BRINP3: variants seen among roughly 807,000 people sequenced by gnomAD.
The protein encoded by BRINP3 is BMP/retinoic acid inducible neural specific 3.
A neutral mutation model predicts 71.0 loss-of-function variants in BRINP3; 19 were observed. That is an observed-to-expected ratio of 0.27 (90% CI 0.19 to 0.39). The LOEUF (loss-of-function observed/expected upper bound fraction) is 0.39. Ranked by LOEUF, BRINP3 falls within the 10% of genes least tolerant of loss-of-function variation. The pLI is 1.00. For synonymous variants in BRINP3, 380 were observed against 337.7 expected (o/e 1.13, Z -1.37); for missense variants, 959 against 940.8 (o/e 1.02, Z -0.25).
At chr1:190,396,287 TTTAAA>T (rs1671562287) in intron 2 of BRINP3, among the ~76,000 whole-genome samples, 1 of 151,922 alleles carries the variant, frequency 6.6e-6, no homozygotes, top group African/African-American at 2.4e-5. Flanking sequence ...TTTAGTTCCG[TTTAAA>T]TTAAACTCTA....
At chr1:190,285,818 G>A (rs1254226414) in intron 2 of BRINP3, among the ~76,000 whole-genome samples, 2 of 151,776 alleles carry the variant, frequency 1.3e-5, no homozygotes, top group Admixed American at 6.6e-5. Context: ...GCAATGGAGC[G>A]CTGAATTAAA....
chr1:190,264,184 T>C (rs1188472414), intron 4 of BRINP3, among the ~76,000 whole-genome samples: 1 of 151,106 alleles, frequency 6.6e-6, no homozygotes, highest in Non-Finnish European at 1.5e-5. Flanking sequence ...TCTCTGTCTC[T>C]CAATCTCTTT....
rs568145191 is a variant in BRINP3 at position 190,472,031 on chromosome 1, T to A, written c.-51+5417A>T. 6.5e-4 allele frequency among the ~76,000 whole-genome samples: 99 copies of A among 151,692 alleles called. 1 individual carries two copies. In the South Asian group the frequency reaches 0.016, roughly 24 times the overall value. ...CATTAAAAAAAAGTTGAGTCAACAT[T>A]GTTTATTGTGTGGAGATACAAGTTT... On this transcript the variant is annotated intron_variant, in intron 1 of 7. Coordinates refer to ENST00000367462, the MANE Select transcript of BRINP3 (RefSeq NM_199051.3).
At chr1:190,337,377 T>C (rs1667359310) in intron 2 of BRINP3, among the ~76,000 whole-genome samples, 1 of 152,134 alleles carries the variant, frequency 6.6e-6, no homozygotes. Flanking sequence ...TGTGAGGGTG[T>C]CGCCAAAGGG....
At chr1:190,335,551 G>A (rs2103093331) in intron 2 of BRINP3, among the ~76,000 whole-genome samples, 1 of 151,826 alleles carries the variant, frequency 6.6e-6, no homozygotes, top group East Asian at 1.9e-4. Context: ...TTTAGTATCA[G>A]GTGGTATAAA....
chr1:190,454,020 A>G (rs1675824655), intron 2 of BRINP3, among the ~76,000 whole-genome samples: 2 of 152,256 alleles, frequency 1.3e-5, no homozygotes, highest in East Asian at 3.8e-4. Flanking sequence ...TCAGGTGAAC[A>G]GGCAACCTTT....
chr1:190,183,197 T>C (rs534096555), intron 6 of BRINP3, among the ~76,000 whole-genome samples: 1 of 152,212 alleles, frequency 6.6e-6, no homozygotes, highest in South Asian at 2.1e-4. Context: ...GTCAGATAAT[T>C]CTAGCAACTG....
At chr1:190,157,834 A>T (rs1372171295) in intron 7 of BRINP3, among the ~76,000 whole-genome samples, 1 of 152,090 alleles carries the variant, frequency 6.6e-6, no homozygotes, top group Non-Finnish European at 1.5e-5. Context: ...GACTGTATTT[A>T]AAAAGATGAA....
chr1:190,364,170 C>T (rs1362156151), intron 2 of BRINP3, among the ~76,000 whole-genome samples: 11 of 151,920 alleles, frequency 7.2e-5, no homozygotes, highest in African/African-American at 1.9e-4. Flanking sequence ...CCCTTCCCAC[C>T]CTGCTGTCAG....
intron 1 of BRINP3, among the ~76,000 whole-genome samples, chr1:190,469,097 A>C (rs572720134): frequency 7.3e-5 from 11 of 151,230 alleles, no homozygotes; most frequent in African/African-American, 2.7e-4. Context: ...TAAAATTAAC[A>C]AGTTGTTTAA....
intron 6 of BRINP3, among the ~76,000 whole-genome samples, chr1:190,222,985 A>G (rs907156263): frequency 6.6e-6 from 1 of 151,922 alleles, no homozygotes; most frequent in Non-Finnish European, 1.5e-5. Flanking sequence ...GAAATAAAAA[A>G]AAAATTAACA....
Position 190,454,908 on chromosome 1 carries a change from A to G in BRINP3, c.-18T>C, listed in dbSNP as rs1205616174. On this transcript the variant is annotated 5_prime_UTR_variant, in exon 2 of 8. Transcript: ENST00000367462. The stretch of plus-strand genomic sequence containing the variant: ...CATATCATGCTTCCACTGGGGATTT[A>G]GAGCCTTCATTCTCTCAGCTTTCCC... The G allele has an allele frequency of 7.5e-6, 12 of 1,601,376 alleles. No homozygotes were observed. The highest frequency in any genetic ancestry group is 1.0e-5 in the Non-Finnish European group (12 of 1,169,106).
intron 2 of BRINP3, among the ~76,000 whole-genome samples, chr1:190,337,422 G>A (rs1463750803): frequency 1.3e-5 from 2 of 152,096 alleles, no homozygotes; most frequent in African/African-American, 4.8e-5. Context: ...GGGAGAGGCA[G>A]ACCCACCCTC....
intron 5 of BRINP3, 152 bp from the exon 6 acceptor site, chr1:190,226,470 A>G (rs1336350812): frequency 1.3e-5 from 6 of 469,704 alleles, no homozygotes; most frequent in East Asian, 1.0e-4. Flanking sequence ...ATCTAAGTCT[A>G]TATGCTGCAA....
intron 6 of BRINP3, among the ~76,000 whole-genome samples, chr1:190,199,488 G>T (rs1654793292): frequency 6.6e-6 from 1 of 151,974 alleles, no homozygotes; most frequent in Non-Finnish European, 1.5e-5. Context: ...CAACCCTTTG[G>T]CTCTAATGGT....
intron 2 of BRINP3, among the ~76,000 whole-genome samples, chr1:190,396,713 G>GAGATATATAT (rs1553310921): frequency 9.9e-6 from 1 of 101,022 alleles, no homozygotes; most frequent in Non-Finnish European, 2.0e-5. Flanking sequence ...CTAATTTAAT[G>GAGATATATAT]ATATATATAT....
chr1:190,193,732 T>G (rs1409167735), intron 6 of BRINP3, among the ~76,000 whole-genome samples: 1 of 152,100 alleles, frequency 6.6e-6, no homozygotes, highest in Non-Finnish European at 1.5e-5. Context: ...AACTGTAAAC[T>G]CTTTCCCTGT....
At chr1:190,141,604 C>T (rs2102390778) in intron 7 of BRINP3, among the ~76,000 whole-genome samples, 1 of 129,748 alleles carries the variant, frequency 7.7e-6, no homozygotes, top group South Asian at 2.5e-4. Flanking sequence ...CTCTGTCACC[C>T]AGGCTAGTGT....
chr1:190,422,433 A>G (rs575527526), intron 2 of BRINP3, among the ~76,000 whole-genome samples: 3 of 151,986 alleles, frequency 2.0e-5, no homozygotes, highest in East Asian at 1.9e-4. Flanking sequence ...TTATTGGATT[A>G]TTTAAACTTT....
Sources: gnomAD v4.1 joint callset for allele counts (sites outside exome capture counted in the v4.1 genomes callset) on GRCh38, gnomAD v4.1.1 for gene constraint, MANE v1.5 for transcripts, NCBI Gene and HGNC (gene_info 2026-07-23, HGNC 2026-07-21) for gene names.